Variants in PSD3 observed in about 807,000 individuals in gnomAD.
The protein encoded by PSD3 is PH and SEC7 domain-containing protein 3.
PSD3 carries 49 observed loss-of-function variants against 105.5 expected under a neutral mutation model. The observed-to-expected ratio is 0.46, with a 90% CI of 0.37 to 0.59. PSD3 has a LOEUF of 0.59. PSD3 is among the 20% of genes least tolerant of loss of function. The pLI is 0.00. For synonymous variants in PSD3, 557 were observed against 457.8 expected (o/e 1.22, Z -2.77); for missense variants, 1,561 against 1,263.8 (o/e 1.24, Z -3.57).
At chr8:18,645,814 C>G (rs1252168012) in intron 10 of PSD3, among the ~76,000 whole-genome samples, 1 of 152,110 alleles carries the variant, frequency 6.6e-6, no homozygotes, top group East Asian at 1.9e-4. Flanking sequence ...CCTTCTGTTT[C>G]TCCCAACAAT....
chr8:18,828,684 G>A (rs1278520087), intron 4 of PSD3, among the ~76,000 whole-genome samples: 1 of 152,104 alleles, frequency 6.6e-6, no homozygotes, highest in African/African-American at 2.4e-5. Context: ...GCTGGGGCTG[G>A]GCGAGGTGGC....
At chr8:18,703,191 G>C (rs1197536234) in intron 9 of PSD3, among the ~76,000 whole-genome samples, 3 of 152,090 alleles carry the variant, frequency 2.0e-5, no homozygotes, top group South Asian at 2.1e-4. Context: ...CTCGTCACGA[G>C]GGCTTTTCTC....
chr8:18,580,666 C>T (rs1802755441), intron 12 of PSD3, among the ~76,000 whole-genome samples: 1 of 152,162 alleles, frequency 6.6e-6, no homozygotes, highest in African/African-American at 2.4e-5. Context: ...GATGATTCTG[C>T]ACCAAGGACA....
chr8:18,742,203 C>G (rs1804628788), intron 9 of PSD3, among the ~76,000 whole-genome samples: 2 of 152,124 alleles, frequency 1.3e-5, no homozygotes, highest in Admixed American at 6.5e-5. Context: ...TTGCAATATA[C>G]CTCTTTAAGA....
At chr8:18,895,759 T>C (rs12547191) in intron 2 of PSD3, among the ~76,000 whole-genome samples, 2 of 152,308 alleles carry the variant, frequency 1.3e-5, no homozygotes, top group South Asian at 4.1e-4. Flanking sequence ...GAACAGTAAT[T>C]AGCATATCTA....
chr8:18,718,613 C>A (rs1802749795), intron 9 of PSD3, among the ~76,000 whole-genome samples: 1 of 152,254 alleles, frequency 6.6e-6, no homozygotes, highest in South Asian at 2.1e-4. Flanking sequence ...AAAAGTATCA[C>A]ATGTATTCAT....
chr8:19,000,266 G>A (rs925309175), intron 1 of PSD3, among the ~76,000 whole-genome samples: 1 of 151,496 alleles, frequency 6.6e-6, no homozygotes, highest in Non-Finnish European at 1.5e-5. Flanking sequence ...GCATGTTAGT[G>A]TGTGCCTGTG....
intron 10 of PSD3, among the ~76,000 whole-genome samples, chr8:18,649,626 G>T (rs564280846): frequency 2.8e-4 from 42 of 152,270 alleles, no homozygotes; most frequent in African/African-American, 9.6e-4. Context: ...AATGTGAGAA[G>T]GACATGAGAT....
intron 8 of PSD3, among the ~76,000 whole-genome samples, chr8:18,772,808 C>A (rs1279604305): frequency 2.0e-5 from 3 of 152,108 alleles, no homozygotes; most frequent in Non-Finnish European, 4.4e-5. Flanking sequence ...CTGCGCCCGG[C>A]CCTTGTGAAC....
At chr8:18,806,190 T>C (rs1037827955) in intron 4 of PSD3, among the ~76,000 whole-genome samples, 2 of 152,198 alleles carry the variant, frequency 1.3e-5, no homozygotes, top group Admixed American at 6.5e-5. Context: ...CAGTGGAGAA[T>C]ACGATGACTA....
intron 1 of PSD3, among the ~76,000 whole-genome samples, chr8:18,962,103 G>A (rs567298286): frequency 2.0e-5 from 3 of 151,946 alleles, no homozygotes; most frequent in Admixed American, 6.6e-5. Context: ...AAAATTAGCC[G>A]GGCCTGGTGG....
chr8:18,950,481 C>G (rs1025967890), intron 1 of PSD3, among the ~76,000 whole-genome samples: 1 of 152,100 alleles, frequency 6.6e-6, no homozygotes, highest in Non-Finnish European at 1.5e-5. Flanking sequence ...AAAGAAACAA[C>G]GTATTCCTCT....
At chr8:18,957,369 CAAAA>C (rs58128598) in intron 1 of PSD3, among the ~76,000 whole-genome samples, 2 of 137,682 alleles carry the variant, frequency 1.5e-5, no homozygotes, top group Non-Finnish European at 1.6e-5. Context: ...GACTCCGTCT[CAAAA>C]AAAAAAAAAA....
chr8:18,626,231 C>G lies in PSD3; in HGVS notation c.2410+6382G>C, dbSNP rs74816474. The stretch of plus-strand genomic sequence containing the variant: ...AAAAATATGGATGCAGTCTGACAAA[C>G]TGAATGTTTAAAGTTAATTAAAAAA... On this transcript the variant is annotated intron_variant, in intron 11 of 15. Transcript: ENST00000327040. 5.0e-3 allele frequency among the ~76,000 whole-genome samples: 763 copies of G among 151,614 alleles called. 14 individuals are homozygous for G. In the East Asian group the frequency reaches 0.061, roughly 12 times the overall value.
intron 1 of PSD3, among the ~76,000 whole-genome samples, chr8:18,968,811 G>C (rs538122540): frequency 6.7e-6 from 1 of 149,986 alleles, no homozygotes; most frequent in Non-Finnish European, 1.5e-5. Context: ...AGGAGGTGGA[G>C]GTTGCAGTGA....
At chr8:19,056,332 T>A (rs1052989648) in intron 1 of PSD3, among the ~76,000 whole-genome samples, 2 of 152,100 alleles carry the variant, frequency 1.3e-5, no homozygotes, top group Non-Finnish European at 2.9e-5. Context: ...AGAAACTGGG[T>A]CTGAATATGT....
At chr8:18,944,121 T>C (rs1822718468) in intron 1 of PSD3, among the ~76,000 whole-genome samples, 1 of 152,240 alleles carries the variant, frequency 6.6e-6, no homozygotes, top group Non-Finnish European at 1.5e-5. Flanking sequence ...TTTTACAGAA[T>C]GTTCTTCAAC....
intron 1 of PSD3, among the ~76,000 whole-genome samples, chr8:19,066,395 A>C (rs1373158058): frequency 1.3e-5 from 2 of 152,186 alleles, no homozygotes; most frequent in Non-Finnish European, 2.9e-5. Flanking sequence ...TTGAATTAGA[A>C]AGTAGCTTGT....
At chr8:18,677,170 A>G (rs1800106411) in intron 9 of PSD3, among the ~76,000 whole-genome samples, 1 of 152,246 alleles carries the variant, frequency 6.6e-6, no homozygotes, top group African/African-American at 2.4e-5. Context: ...TGAGAAATTC[A>G]CAGATACAGA....
Sources: allele counts gnomAD v4.1 joint callset (sites outside exome capture counted in the v4.1 genomes callset), GRCh38; gene constraint gnomAD v4.1.1; transcripts MANE v1.5; gene names NCBI Gene and HGNC (gene_info 2026-07-23, HGNC 2026-07-21).